Variants in PUM1 observed in about 807,000 individuals in gnomAD.
PUM1 encodes the protein pumilio RNA binding family member 1.
PUM1 carries 13 observed loss-of-function variants against 131.8 expected under a neutral mutation model. That is an observed-to-expected ratio of 0.10 (90% CI 0.06 to 0.16). The LOEUF is 0.16. Ranked by LOEUF, PUM1 falls within the 10% of genes least tolerant of loss-of-function variation. The pLI, the probability that PUM1 is intolerant of heterozygous loss-of-function variation, is 1.00. For missense variants in PUM1, 961 were observed against 1,512.4 expected (o/e 0.64, Z 6.05); for synonymous variants, 509 against 556.5 (o/e 0.91, Z 1.20).
chr1:31,047,387 T>C (rs1301547446), intron 2 of PUM1, among the ~76,000 whole-genome samples: 5 of 152,232 alleles, frequency 3.3e-5, no homozygotes, highest in Admixed American at 6.5e-5. Flanking sequence ...TCCTCAGCAC[T>C]TCAGCACTGA....
At chr1:30,947,668 T>C (rs1489946816) in intron 17 of PUM1, among the ~76,000 whole-genome samples, 1 of 152,154 alleles carries the variant, frequency 6.6e-6, no homozygotes, top group African/African-American at 2.4e-5. Flanking sequence ...GGCTAAACTG[T>C]GCTGCCAGTG....
At chr1:30,991,643 A>T (rs1163640555) in intron 7 of PUM1, among the ~76,000 whole-genome samples, 1 of 152,222 alleles carries the variant, frequency 6.6e-6, no homozygotes. Context: ...TGCTTCCGCC[A>T]CAAGGGAGAA....
chr1:30,999,844 G>A (rs1308396997), intron 5 of PUM1, among the ~76,000 whole-genome samples: 2 of 152,124 alleles, frequency 1.3e-5, no homozygotes, highest in African/African-American at 2.4e-5. Flanking sequence ...GACGCACTGG[G>A]ATGGTGTTTC....
chr1:31,022,172 TA>T (rs67535393), intron 3 of PUM1, among the ~76,000 whole-genome samples: 42,502 of 150,794 alleles, frequency 0.28, 7,666 homozygotes, highest in East Asian at 0.53. Context: ...TCTGCTCATC[TA>T]AAAAAAAATG....
At chr1:31,042,755 A>T (rs1210691622) in intron 2 of PUM1, among the ~76,000 whole-genome samples, 2 of 152,236 alleles carry the variant, frequency 1.3e-5, no homozygotes, top group Non-Finnish European at 2.9e-5. Flanking sequence ...TTTAAGGGCT[A>T]CACTGAACTT....
intron 12 of PUM1, among the ~76,000 whole-genome samples, chr1:30,966,601 T>C (rs1009841960): frequency 2.5e-4 from 38 of 152,338 alleles, no homozygotes; most frequent in African/African-American, 8.9e-4. Context: ...ATATCTATGT[T>C]GAGGGTTTCT....
At chr1:30,968,808 T>G (rs1174644422) in intron 10 of PUM1, among the ~76,000 whole-genome samples, 1 of 152,196 alleles carries the variant, frequency 6.6e-6, no homozygotes, top group African/African-American at 2.4e-5. Context: ...AAAGATGAAT[T>G]TGGAATATCT....
chr1:30,979,328 C>G (rs1641264995), intron 9 of PUM1, among the ~76,000 whole-genome samples: 1 of 152,122 alleles, frequency 6.6e-6, no homozygotes, highest in South Asian at 2.1e-4. Flanking sequence ...CAGATCTGTA[C>G]TGCTACAATG....
intron 2 of PUM1, among the ~76,000 whole-genome samples, chr1:31,047,434 C>T (rs563121473): frequency 5.1e-4 from 78 of 152,346 alleles, no homozygotes; most frequent in African/African-American, 1.9e-3. Flanking sequence ...TTCTTTCATC[C>T]TGTATGAATG....
At chr1:30,977,808 TA>T (rs1641198165) in intron 9 of PUM1, among the ~76,000 whole-genome samples, 1 of 152,150 alleles carries the variant, frequency 6.6e-6, no homozygotes, top group African/African-American at 2.4e-5. Flanking sequence ...TAAAGACTTC[TA>T]AAGAAAGTAC....
At chr1:30,991,012 C>G (rs1004363780) in intron 7 of PUM1, among the ~76,000 whole-genome samples, 5 of 150,522 alleles carry the variant, frequency 3.3e-5, no homozygotes, top group African/African-American at 1.2e-4. Flanking sequence ...TATTTTGAAA[C>G]CAAAGATCAA....
chr1:30,955,584 C>T (rs1276421712), intron 14 of PUM1, among the ~76,000 whole-genome samples: 7 of 152,084 alleles, frequency 4.6e-5, no homozygotes, highest in Admixed American at 4.6e-4. Context: ...TTGTTTCCCC[C>T]ACCTCCTTTT....
At chr1:31,044,633 T>C (rs942214854) in intron 2 of PUM1, among the ~76,000 whole-genome samples, 4 of 152,096 alleles carry the variant, frequency 2.6e-5, no homozygotes, top group African/African-American at 9.7e-5. Flanking sequence ...TTAATGATTA[T>C]GATATATGCA....
At chr1:31,029,549 T>A (rs543932420) in intron 2 of PUM1, among the ~76,000 whole-genome samples, 166 of 152,314 alleles carry the variant, frequency 1.1e-3, no homozygotes, top group African/African-American at 3.5e-3. Context: ...GGTAATAACA[T>A]CAAGGATGAT....
intron 14 of PUM1, among the ~76,000 whole-genome samples, chr1:30,957,018 C>T (rs1640193368): frequency 6.6e-6 from 1 of 150,898 alleles, no homozygotes; most frequent in South Asian, 2.1e-4. Flanking sequence ...AATACATTTA[C>T]CGTGAAGTTT....
chr1:31,035,318 G>A (rs1643571605), intron 2 of PUM1, among the ~76,000 whole-genome samples: 3 of 151,934 alleles, frequency 2.0e-5, no homozygotes, highest in Middle Eastern at 3.4e-3. Context: ...ACTTGAGCCC[G>A]AGAGGCGGAG....
At chr1:31,037,832 CG>C (rs1420204254) in intron 2 of PUM1, among the ~76,000 whole-genome samples, 1 of 152,000 alleles carries the variant, frequency 6.6e-6, no homozygotes, top group African/African-American at 2.4e-5. Flanking sequence ...GGGCAGATCA[CG>C]AGGTCAGGAG....
chr1:31,058,279 A>T (rs145056073), intron 2 of PUM1, among the ~76,000 whole-genome samples: 2 of 152,296 alleles, frequency 1.3e-5, no homozygotes, highest in African/African-American at 4.8e-5. Flanking sequence ...AAGATTCAAA[A>T]ATATGTATCT....
At chr1:30,998,728 T>C (rs1642075812) in intron 5 of PUM1, among the ~76,000 whole-genome samples, 1 of 152,240 alleles carries the variant, frequency 6.6e-6, no homozygotes. Flanking sequence ...TTGAGATTCC[T>C]ATGGGGAATA....
Sources: gnomAD v4.1 joint callset for allele counts (sites outside exome capture counted in the v4.1 genomes callset) on GRCh38, gnomAD v4.1.1 for gene constraint, MANE v1.5 for transcripts, NCBI Gene and HGNC (gene_info 2026-07-23, HGNC 2026-07-21) for gene names.